The following MYO1C variants were observed in gnomAD, a reference collection of about 807,000 sequenced individuals.
MYO1C encodes the protein myosin IC.
A neutral mutation model predicts 150.8 loss-of-function variants in MYO1C; 104 were observed. The ratio of observed to expected loss-of-function variants is 0.69; its 90% CI spans 0.59 to 0.81. MYO1C has a LOEUF of 0.81. Ranked by LOEUF, MYO1C falls within the 30% of genes least tolerant of loss-of-function variation. The pLI, the probability that MYO1C is intolerant of heterozygous loss-of-function variation, is 0.00. For missense variants in MYO1C, 1,504 were observed against 1,435.0 expected (o/e 1.05, Z -0.78); for synonymous variants, 663 against 579.9 (o/e 1.14, Z -2.06).
intron 25 of MYO1C, 36 bp downstream of exon 25, chr17:1,469,495 C>T (rs780604127): frequency 1.3e-5 from 20 of 1,552,280 alleles, no homozygotes; most frequent in Non-Finnish European, 1.8e-5. Context: ...TCCCTGACTC[C>T]ACTTCCTCAT....
At chr17:1,473,206 A>G (rs1435231920) in intron 17 of MYO1C, among the ~76,000 whole-genome samples, 1 of 152,184 alleles carries the variant, frequency 6.6e-6, no homozygotes, top group African/African-American at 2.4e-5. Flanking sequence ...TCTCAAAAAC[A>G]AAAACAAAAA....
At chr17:1,484,457 C>T (rs1002749460) in intron 1 of MYO1C, 154 bp from the exon 2 acceptor site, 65 of 459,554 alleles carry the variant, frequency 1.4e-4, no homozygotes, top group Admixed American at 1.0e-3. Context: ...GGCCTGGGTG[C>T]TGAGGGCCTG....
At position 1,479,486 on chromosome 17, in the gene MYO1C, C is replaced by T. The variant is rs752514066; in HGVS notation, c.1037G>A (p.Gly346Asp). 2 of 1,518,532 alleles carry T rather than the reference C, an allele frequency of 1.3e-6. No homozygotes were observed. Among genetic ancestry groups the T allele is most frequent in the South Asian group, 1.2e-5 (1 of 83,944 alleles). The allele number at this position is 1,518,532 out of a possible 1,614,324, so 94.1% of individuals were successfully genotyped here. ...TGTCAGGGCTTCTCGCAGCGTCGAG[C>T]CTTCCACGCTGAGGAGCTGCCAAGG... ...KYLTRLLSVE[G>D]STLREALTHR... The change falls in exon 9 of 32, where the codon GGC (glycine) becomes GAC (aspartate). Residue 346 changes from glycine (G) to aspartate (D), a missense_variant. Transcript: ENST00000648651. This position sits in a 1 kb window ranked among gnomAD's most constrained non-coding sequence, Gnocchi z 4.2.
chr17:1,471,956 G>A lies in MYO1C; in HGVS notation c.1972C>T (p.Arg658Cys), dbSNP rs377694703. The A allele has an allele frequency of 5.0e-6, 8 of 1,614,114 alleles. No individual in the cohort carries two copies. The highest frequency in any genetic ancestry group is 1.7e-5 in the Admixed American group (1 of 60,026). Reference sequence around the variant, plus strand: ...CGGCGATAGGCAAAGCCGGCTCTGCGCACGCGCAGGTTTTCCAACAGCCCC... The same window carrying A: ...CGGCGATAGGCAAAGCCGGCTCTGCACACGCGCAGGTTTTCCAACAGCCCC... ...YLGLLENLRV[R>C]RAGFAYRRKY... The change falls in exon 19 of 32, where the codon CGC becomes TGC. Residue 658 changes from arginine to cysteine, a missense_variant. Arg to Cys is a radical substitution (Grantham distance 180, BLOSUM62 -3). Coordinates refer to ENST00000648651, the MANE Select transcript of MYO1C (RefSeq NM_001080779.2).
At position 1,464,671 on chromosome 17, in the gene MYO1C, T is replaced by C. The variant is rs534604960; in HGVS notation, c.*1055A>G. The C allele has an allele frequency of 3.3e-5, 5 of 152,656 alleles. No individual in the cohort carries two copies. Among genetic ancestry groups the C allele is most frequent in the Admixed American group, 1.3e-4 (2 of 15,268 alleles). 9.5% of individuals were successfully genotyped at this position (152,656 alleles called of 1,614,324 possible). A position where few individuals can be genotyped will look rare whatever the true frequency, so the allele number is the denominator to read the frequency against. ...GACCGTGGGCAAGTGCCTTCTCCTG[T>C]TTGGGCATCTGTCTTCTGCTCTGTA... is the stretch of plus-strand genomic sequence containing the variant. On this transcript the variant is annotated 3_prime_UTR_variant, in exon 32 of 32. Transcript: ENST00000648651.
rs1216832130 is a variant in MYO1C, at chr17:1,470,305, G to A, written c.2396C>T (p.Ala799Val). ...RLIRGFVLRHAPRCPENAFFL... is the reference protein window; with the variant it reads ...RLIRGFVLRHVPRCPENAFFL... ...GAAGGCGTTCTCGGGGCAGCGGGGG[G>A]CGTGGCGCAGGACGAAGCCTCGGAT... The change falls in exon 24 of 32, where the codon GCC (alanine) becomes GTC (valine). Residue 799 changes from alanine (A) to valine (V), a missense_variant. Physicochemically the swap from Ala to Val is moderately conservative, Grantham distance 64 (BLOSUM62 0). Coordinates refer to ENST00000648651, the MANE Select transcript of MYO1C (RefSeq NM_001080779.2). 5.1e-6 allele frequency: 8 copies of A among 1,570,260 alleles called. No individual in the cohort carries two copies. Among genetic ancestry groups the A allele is most frequent in the South Asian group, 2.3e-5 (2 of 85,902 alleles).
chr17:1,481,196 C>A (rs1398968158), intron 5 of MYO1C: 3 of 407,870 alleles, frequency 7.4e-6, no homozygotes, highest in South Asian at 4.8e-5. Context: ...TAGTGTCTGC[C>A]CTCCTTGGTC....
chr17:1,468,390 G>A lies in MYO1C; in HGVS notation c.2704+13C>T, dbSNP rs760386803. 1 of 1,613,768 alleles carries A rather than the reference G, an allele frequency of 6.2e-7. No homozygotes were observed. Among genetic ancestry groups the A allele is most frequent in the Non-Finnish European group, 8.5e-7 (1 of 1,179,674 alleles). Reference sequence around the variant, plus strand: ...TGACGAAAGGTCTGAGTGCTGGAAAGTCAGGGGCTCACCAAGCCGAGTGCT... The same window carrying A: ...TGACGAAAGGTCTGAGTGCTGGAAAATCAGGGGCTCACCAAGCCGAGTGCT... On this transcript the variant is annotated intron_variant, in intron 26 of 31. Transcript: ENST00000648651.
In MYO1C at chr17:1,468,028, G is replaced by A. The variant is rs201365950; in HGVS notation, c.2856C>T (p.Asp952=). ...LTPNAVVIVE[D]AKVKQRIDYA... is the part of the protein sequence containing the mutation. ...AATCAATCCTCTGCTTGACTTTGGC[G>A]TCCTCCACGATGACGACGGCGTTGG... is the stretch of plus-strand genomic sequence containing the variant. The change falls in exon 28 of 32, where the codon GAC becomes GAT. Residue 952 remains aspartate, a synonymous_variant. Coordinates refer to ENST00000648651, the MANE Select transcript of MYO1C (RefSeq NM_001080779.2). The A allele has an allele frequency of 3.3e-5, 54 of 1,612,822 alleles. 2 individuals carry two copies. Among genetic ancestry groups the A allele is most frequent in the African/African-American group, 2.5e-4 (19 of 74,564 alleles).
At chr17:1,467,634 G>GCCCCCC in intron 29 of MYO1C, 57 bp from the exon 30 acceptor site, 5 of 936,516 alleles carry the variant, frequency 5.3e-6, no homozygotes, top group South Asian at 2.1e-5. Context: ...AGGAACCCCC[G>GCCCCCC]CCCCACCTCC....
rs2074440243 is a variant in MYO1C at position 1,478,208 on chromosome 17, A to C, written c.1296-16T>G. ...CTGCTCAAAGCTGTAAGGAAGGAGA[A>C]GAGCCCACAGTGGCTCAGTGGGGAC... On this transcript the variant is annotated splice_polypyrimidine_tract_variant and intron_variant, in intron 11 of 31. Coordinates refer to ENST00000648651, the MANE Select transcript of MYO1C (RefSeq NM_001080779.2). The surrounding 1 kb of genome is among the most constrained non-coding windows in gnomAD (Gnocchi z 6.3). The C allele has an allele frequency of 6.2e-7, 1 of 1,612,102 alleles. No individual in the cohort carries two copies. Among genetic ancestry groups the C allele is most frequent in the African/African-American group, 1.3e-5 (1 of 74,914 alleles).
chr17:1,490,287 G>A (rs536537205), intron 1 of MYO1C, among the ~76,000 whole-genome samples: 26 of 151,330 alleles, frequency 1.7e-4, no homozygotes, highest in African/African-American at 6.1e-4. Flanking sequence ...CACAAGGTCA[G>A]GAGATTGAGA....
chr17:1,470,149 T>A (rs745399961), intron 24 of MYO1C, 26 bp downstream of exon 24: 1 of 1,599,392 alleles, frequency 6.3e-7, no homozygotes, highest in Non-Finnish European at 8.5e-7. Flanking sequence ...TGATGGTCCC[T>A]AACTTGGCAG....
chr17:1,469,396 A>G (rs2074250271), intron 25 of MYO1C, 135 bp downstream of exon 25: 1 of 838,118 alleles, frequency 1.2e-6, no homozygotes, highest in Non-Finnish European at 1.9e-6. Flanking sequence ...AATACGGTAG[A>G]TCGGGGTAAA....
chr17:1,483,080 G>T (rs763474429), intron 3 of MYO1C, 21 bp from the exon 4 acceptor site: 4 of 1,571,670 alleles, frequency 2.5e-6, no homozygotes, highest in Non-Finnish European at 3.4e-6. Context: ...GGCTCGTCAG[G>T]GAGTTTGGGG....
At position 1,478,080 on chromosome 17, in the gene MYO1C, C is replaced by T. The variant is rs753713465; in HGVS notation, c.1401+7G>A. Reference sequence around the variant, plus strand: ...CCCACGGAGAGTGCCCCCAGGCTAGCACACACCGCGATGCCCTCTGCCTCG... The same window carrying T: ...CCCACGGAGAGTGCCCCCAGGCTAGTACACACCGCGATGCCCTCTGCCTCG... On this transcript the variant is annotated splice_region_variant and intron_variant, in intron 12 of 31. Transcript: ENST00000648651. The surrounding 1 kb of genome is among the most constrained non-coding windows in gnomAD (Gnocchi z 6.3). The T allele has an allele frequency of 6.2e-7, 1 of 1,614,004 alleles. No individual in the cohort carries two copies. Among genetic ancestry groups the T allele is most frequent in the Non-Finnish European group, 8.5e-7 (1 of 1,179,982 alleles).
intron 25 of MYO1C, chr17:1,468,723 G>A: frequency 1.7e-6 from 1 of 585,690 alleles, no homozygotes; most frequent in South Asian, 2.0e-5. Context: ...GGCACTGCGG[G>A]GTTTTGAAAC....
rs1567518844 is a variant in MYO1C at position 1,471,864 on chromosome 17, C to T, written c.2021+43G>A. ...CTCATGGGACCTAGGGGCTCCTACC[C>T]TCCCGCTCCCCTTCCCTGGCACCGA... On this transcript the variant is annotated intron_variant, in intron 19 of 31. Transcript: ENST00000648651. The T allele has an allele frequency of 4.4e-6, 7 of 1,591,878 alleles. No homozygotes were observed. In the East Asian group the frequency reaches 1.1e-4, roughly 25 times the overall value.
intron 25 of MYO1C, 82 bp downstream of exon 25, chr17:1,469,449 C>T: frequency 1.3e-6 from 1 of 781,142 alleles, no homozygotes; most frequent in Non-Finnish European, 1.9e-6. Flanking sequence ...GGTAAATGCC[C>T]CTCCAGGCGG....
Sources: gnomAD v4.1 joint callset for allele counts (sites outside exome capture counted in the v4.1 genomes callset) on GRCh38, gnomAD v4.1.1 for gene constraint, Gnocchi (gnomAD v3.1) non-coding constraint, MANE v1.5 for transcripts, NCBI Gene and HGNC (gene_info 2026-07-23, HGNC 2026-07-21) for gene names.